TPR: variants seen among roughly 807,000 people sequenced by gnomAD.
The protein encoded by TPR is nucleoprotein TPR.
In TPR, 51 loss-of-function variants were observed where a neutral mutation model predicts 316.1. The observed-to-expected ratio is 0.16, with a 90% confidence interval of 0.13 to 0.20. TPR has a LOEUF of 0.20. TPR is among the 10% of genes least tolerant of loss of function. The pLI, the probability that TPR is intolerant of heterozygous loss-of-function variation, is 1.00. For synonymous variants in TPR, 981 were observed against 914.7 expected (o/e 1.07, Z -1.31); for missense variants, 2,272 against 2,754.8 (o/e 0.82, Z 3.92).
In TPR at chr1:186,333,123, T is replaced by C. The variant is rs774992372; in HGVS notation, c.5454A>G (p.Thr1818=). The change falls in exon 37 of 51, where the codon ACA becomes ACG. Residue 1818 remains threonine (T), a splice_region_variant and synonymous_variant. Coordinates refer to ENST00000367478, the MANE Select transcript of TPR (RefSeq NM_003292.3). ...RPSTSTAVFG[T]VSATPSSSLP... is the part of the protein sequence containing the mutation. Reference sequence around the variant, plus strand: ...ACTTCATTTTAAAATTAATTTTACCTGTGCCAAATACTGCTGTGGAAGTAG... The same window carrying C: ...ACTTCATTTTAAAATTAATTTTACCCGTGCCAAATACTGCTGTGGAAGTAG... The C allele has an allele frequency of 1.6e-5, 26 of 1,612,492 alleles. No individual in the cohort carries two copies. The highest frequency in any genetic ancestry group is 2.2e-5 in the Non-Finnish European group (26 of 1,179,030).
At chr1:186,348,218 C>A (rs963440629) in intron 21 of TPR, among the ~76,000 whole-genome samples, 1 of 152,040 alleles carries the variant, frequency 6.6e-6, no homozygotes, top group Non-Finnish European at 1.5e-5. Flanking sequence ...AATATTAATA[C>A]CCTGGGAAAA....
rs1291972229 is a variant in TPR at position 186,336,490 on chromosome 1, A to G, written c.4705+6T>C. ...TACCAAGTTCAAACTTTAAACAGAT[A>G]TTTACCAGCTAAGTGTGCAATTTTT... On this transcript the variant is annotated splice_donor_region_variant and intron_variant, in intron 33 of 50. Coordinates refer to ENST00000367478, the MANE Select transcript of TPR (RefSeq NM_003292.3). 5 of 1,613,196 alleles carry G rather than the reference A, an allele frequency of 3.1e-6. No individual in the cohort carries two copies. Among genetic ancestry groups the G allele is most frequent in the Non-Finnish European group, 4.2e-6 (5 of 1,179,810 alleles).
Position 186,357,627 on chromosome 1 carries a change from A to T in TPR, c.1498-4T>A. ...GTTCCATCAAAAGCACTCTAATCTA[A>T]AAACAAAGTTTTAATATGTTATAAA... On this transcript the variant is annotated splice_polypyrimidine_tract_variant and splice_region_variant and intron_variant, in intron 13 of 50. Coordinates refer to ENST00000367478, the MANE Select transcript of TPR (RefSeq NM_003292.3). The T allele has an allele frequency of 6.3e-7, 1 of 1,585,426 alleles. No homozygotes were observed. The highest frequency in any genetic ancestry group is 1.1e-5 in the South Asian group (1 of 89,562).
At chr1:186,366,650 G>C (rs957129531) in intron 4 of TPR, among the ~76,000 whole-genome samples, 2 of 152,126 alleles carry the variant, frequency 1.3e-5, no homozygotes, top group Admixed American at 1.3e-4. Flanking sequence ...ACAAAAAATT[G>C]AAATTTGTGT....
In TPR at chr1:186,327,673, A is replaced by G. The variant is rs753605759; in HGVS notation, c.5689-13T>C. The G allele has an allele frequency of 3.7e-6, 6 of 1,608,724 alleles. No individual in the cohort carries two copies. Among genetic ancestry groups the G allele is most frequent in the Non-Finnish European group, 5.1e-6 (6 of 1,177,082 alleles). Reference sequence around the variant, plus strand: ...CCTGGGTAACTCCCTTTAAAAATAAAAAAGTTAAAAAAGAATTAAGAGCCC... The same window carrying G: ...CCTGGGTAACTCCCTTTAAAAATAAGAAAGTTAAAAAAGAATTAAGAGCCC... On this transcript the variant is annotated splice_polypyrimidine_tract_variant and intron_variant, in intron 39 of 50. Transcript: ENST00000367478.
intron 43 of TPR, 120 bp from the exon 44 acceptor site, chr1:186,322,706 T>G (rs2102053487): frequency 1.0e-6 from 1 of 978,304 alleles, no homozygotes; most frequent in East Asian, 2.6e-5. Flanking sequence ...GACAGGTAAT[T>G]AGGACATTTT....
intron 35 of TPR, among the ~76,000 whole-genome samples, 168 bp downstream of exon 35, chr1:186,334,900 T>A (rs758154120): frequency 6.6e-6 from 1 of 151,796 alleles, no homozygotes; most frequent in Non-Finnish European, 1.5e-5. Context: ...GAAAGTATGG[T>A]GAAAACAAGC....
chr1:186,339,509 G>C (rs1658443576), intron 30 of TPR, 133 bp downstream of exon 30: 1 of 587,474 alleles, frequency 1.7e-6, no homozygotes, highest in South Asian at 5.5e-5. Flanking sequence ...CAAAGTAGAT[G>C]GAAGTCAGAT....
chr1:186,372,551 A>AT (rs949565475), intron 2 of TPR, among the ~76,000 whole-genome samples: 1 of 152,082 alleles, frequency 6.6e-6, no homozygotes, highest in Non-Finnish European at 1.5e-5. Context: ...CCAAAAAAAA[A>AT]GGAAAAAAAA....
chr1:186,314,541 T>A, intron 50 of TPR, 88 bp downstream of exon 50: 2 of 1,010,400 alleles, frequency 2.0e-6, no homozygotes, highest in Non-Finnish European at 2.8e-6. Context: ...ATTAAAAAAA[T>A]AAATTGGAGG....
In TPR at chr1:186,359,791, G is replaced by C. The variant is rs376151319; in HGVS notation, c.1389+8C>G. The C allele has an allele frequency of 3.1e-5, 49 of 1,573,398 alleles. No individual in the cohort carries two copies. In the African/African-American group the frequency reaches 5.8e-4, roughly 19 times the overall value. ...TTACCACGGCTAAATTTTAGGAATG[G>C]AACCAACCTTCATAGCTTGTTCAAG... is the stretch of plus-strand genomic sequence containing the variant. On this transcript the variant is annotated splice_region_variant and intron_variant, in intron 12 of 50. Transcript: ENST00000367478.
intron 21 of TPR, among the ~76,000 whole-genome samples, chr1:186,349,392 G>A (rs973680090): frequency 2.6e-5 from 4 of 152,072 alleles, no homozygotes; most frequent in Admixed American, 6.5e-5. Context: ...TGTGGCTTAC[G>A]CCTGTAATCC....
chr1:186,375,191 G>C lies in TPR; in HGVS notation c.-163C>G. On this transcript the variant is annotated 5_prime_UTR_variant, in exon 1 of 51. Coordinates refer to ENST00000367478, the MANE Select transcript of TPR (RefSeq NM_003292.3). ...GGAGACTCCCGCGGCGGGACCCTGG[G>C]AAATCGAGTCCACCCTCAGCGGCAG... 6.5e-7 allele frequency: 1 copy of C among 1,529,542 alleles called. No individual in the cohort carries two copies. Among genetic ancestry groups the C allele is most frequent in the Non-Finnish European group, 8.8e-7 (1 of 1,137,030 alleles). The allele number at this position is 1,529,542 out of a possible 1,614,324, so 94.7% of individuals were successfully genotyped here.
Position 186,326,223 on chromosome 1 carries a change from C to T in TPR, c.5902G>A (p.Asp1968Asn). ...TCATCATCATCATCATCTTCCTCAT[C>T]CTCTTCATAATCCTAGTAGAAAGTT... Reference protein sequence around the residue: ...NDGEHEDYEEDEEDDDDDEDD... With the variant: ...NDGEHEDYEENEEDDDDDEDD... The change falls in exon 41 of 51, where the codon GAT becomes AAT. Residue 1968 changes from aspartate (D) to asparagine (N), a missense_variant. Physicochemically the swap from Asp to Asn is conservative, Grantham distance 23. Transcript: ENST00000367478. 6.2e-7 allele frequency: 1 copy of T among 1,610,106 alleles called. No individual in the cohort carries two copies. The highest frequency in any genetic ancestry group is 8.5e-7 in the Non-Finnish European group (1 of 1,177,828).
At chr1:186,362,239 T>C (rs1170395791) in intron 7 of TPR, 49 bp downstream of exon 7, 1 of 1,461,144 alleles carries the variant, frequency 6.8e-7, no homozygotes, top group South Asian at 1.2e-5. Flanking sequence ...AACAGCTTCG[T>C]AAGTGCTTTA....
rs1396250460 is a variant in TPR, at chr1:186,343,481, A to C, written c.3603-8T>G. The C allele has an allele frequency of 2.5e-6, 4 of 1,600,564 alleles. No homozygotes were observed. The highest frequency in any genetic ancestry group is 3.4e-6 in the Non-Finnish European group (4 of 1,176,358). ...TTTTCTCGTCGTATAAATCTACAAA[A>C]ATACAGATATTAAAATTTTATGTGA... On this transcript the variant is annotated splice_region_variant and splice_polypyrimidine_tract_variant and intron_variant, in intron 26 of 50. Transcript: ENST00000367478.
At chr1:186,314,874 T>C in intron 49 of TPR, 150 bp from the exon 50 acceptor site, 1 of 510,500 alleles carries the variant, frequency 2.0e-6, no homozygotes, top group Non-Finnish European at 3.3e-6. Flanking sequence ...GAGGAACATT[T>C]AACAAACCGA....
rs1263581250 is a variant in TPR, at chr1:186,313,707, A to G, written c.*264T>C. ...TCAATACTATAACATTGATGTGCCT[A>G]GTAGAACAGCAAGAGCAATTACTAC... On this transcript the variant is annotated 3_prime_UTR_variant, in exon 51 of 51. Coordinates refer to ENST00000367478, the MANE Select transcript of TPR (RefSeq NM_003292.3). 5 of 1,607,078 alleles carry G rather than the reference A, an allele frequency of 3.1e-6. No individual in the cohort carries two copies. Among genetic ancestry groups the G allele is most frequent in the Non-Finnish European group, 4.3e-6 (5 of 1,173,724 alleles).
intron 49 of TPR, 126 bp downstream of exon 49, chr1:186,317,356 C>G (rs1657641987): frequency 1.4e-6 from 1 of 736,962 alleles, no homozygotes; most frequent in Non-Finnish European, 2.3e-6. Flanking sequence ...AATAAAATTT[C>G]TCTTTTAAAT....
Sources: gnomAD v4.1 joint callset for allele counts (sites outside exome capture counted in the v4.1 genomes callset) on GRCh38, gnomAD v4.1.1 for gene constraint, MANE v1.5 for transcripts, NCBI Gene and HGNC (gene_info 2026-07-23, HGNC 2026-07-21) for gene names.